The following ENTREP2 variants were observed in gnomAD, a reference collection of about 807,000 sequenced individuals.
ENTREP2 encodes protein ENTREP2.
chr15:29,608,500 C>T, the ENTREP2 span, among the ~76,000 whole-genome samples: 1 of 148,500 alleles, frequency 6.7e-6, no homozygotes, highest in African/African-American at 2.5e-5. Flanking sequence ...GCTCCTGCCT[C>T]CTCCTGCCTC....
chr15:29,281,336 G>A, the ENTREP2 span, among the ~76,000 whole-genome samples: 4 of 152,322 alleles, frequency 2.6e-5, no homozygotes, highest in Admixed American at 2.6e-4. Flanking sequence ...TAAAGTGGAG[G>A]TTATATAATA....
At chr15:29,278,238 G>A in the ENTREP2 span, among the ~76,000 whole-genome samples, 1 of 152,190 alleles carries the variant, frequency 6.6e-6, no homozygotes, top group Non-Finnish European at 1.5e-5. Context: ...CCAGTACAGG[G>A]TTCCTCCCTC....
chr15:29,273,351 A>G, the ENTREP2 span, among the ~76,000 whole-genome samples: 10 of 151,874 alleles, frequency 6.6e-5, no homozygotes, highest in Admixed American at 6.6e-4. Flanking sequence ...GGTGTGTACC[A>G]CCACGTCTGG....
chr15:29,599,156 T>C, the ENTREP2 span, among the ~76,000 whole-genome samples: 1 of 152,244 alleles, frequency 6.6e-6, no homozygotes, highest in Non-Finnish European at 1.5e-5. Flanking sequence ...ATCATGTGAC[T>C]ATGAACTTAA....
the ENTREP2 span, among the ~76,000 whole-genome samples, chr15:29,504,403 T>C: frequency 3.7e-3 from 565 of 152,346 alleles, no homozygotes; most frequent in African/African-American, 0.013. Context: ...GTTAAAACCA[T>C]TTGTGTGATG....
the ENTREP2 span, chr15:29,266,106 T>C: frequency 6.6e-6 from 1 of 152,142 alleles, no homozygotes; most frequent in Non-Finnish European, 1.5e-5. Flanking sequence ...GTAGAACATA[T>C]AAAGATGTCT....
chr15:29,627,168 TGCAGCTATGG>T, the ENTREP2 span, among the ~76,000 whole-genome samples: 30 of 152,334 alleles, frequency 2.0e-4, no homozygotes, highest in African/African-American at 6.5e-4. Flanking sequence ...TTTCGTTTCA[TGCAGCTATGG>T]GCACTTTTAT....
chr15:29,444,467 CTTTTTTTCT>C, the ENTREP2 span, among the ~76,000 whole-genome samples: 6,955 of 115,646 alleles, frequency 0.06, 192 homozygotes, highest in African/African-American at 0.084. Flanking sequence ...TCTTTTTTTT[CTTTTTTTCT>C]TTTTTTTCTT....
At chr15:29,299,354 T>A in the ENTREP2 span, among the ~76,000 whole-genome samples, 1 of 152,310 alleles carries the variant, frequency 6.6e-6, no homozygotes, top group East Asian at 1.9e-4. Flanking sequence ...TGTCTGGGCC[T>A]CTGCTGGAAA....
chr15:29,482,075 G>A, the ENTREP2 span, among the ~76,000 whole-genome samples: 4 of 151,786 alleles, frequency 2.6e-5, no homozygotes, highest in African/African-American at 9.7e-5. Context: ...TCAGCTCACT[G>A]CAATCTACAC....
chr15:29,456,603 C>T, the ENTREP2 span, among the ~76,000 whole-genome samples: 4 of 152,212 alleles, frequency 2.6e-5, no homozygotes, highest in Admixed American at 6.5e-5. Flanking sequence ...TGGGACAGTG[C>T]CCCCTCCCAG....
chr15:29,379,616 C>G, the ENTREP2 span, among the ~76,000 whole-genome samples: 1 of 152,108 alleles, frequency 6.6e-6, no homozygotes, highest in African/African-American at 2.4e-5. Context: ...CTACATCCCC[C>G]CACTGGGATG....
the ENTREP2 span, among the ~76,000 whole-genome samples, chr15:29,338,482 G>A: frequency 2.6e-5 from 4 of 151,772 alleles, no homozygotes; most frequent in South Asian, 2.1e-4. Context: ...AGATGGCCAC[G>A]TGGAGAGGTC....
the ENTREP2 span, among the ~76,000 whole-genome samples, chr15:29,616,005 G>C: frequency 2.6e-5 from 4 of 152,196 alleles, no homozygotes; most frequent in African/African-American, 9.6e-5. Context: ...CCCCACCCCG[G>C]TTCACAGAGC....
chr15:29,519,803 C>CAACT, the ENTREP2 span, among the ~76,000 whole-genome samples: 1 of 152,178 alleles, frequency 6.6e-6, no homozygotes, highest in South Asian at 2.1e-4. Context: ...TGGCCTGAAG[C>CAACT]AACTGAAGAA....
At chr15:29,123,717 C>T in the ENTREP2 span, 7 of 1,476,758 alleles carry the variant, frequency 4.7e-6, no homozygotes, top group Non-Finnish European at 5.4e-6. Context: ...AACTCAAAAG[C>T]AAAGAAAAGC....
At chr15:29,230,644 T>C in the ENTREP2 span, among the ~76,000 whole-genome samples, 24 of 151,982 alleles carry the variant, frequency 1.6e-4, no homozygotes, top group East Asian at 3.9e-3. Context: ...TGAGTAGAAG[T>C]CGCTCAACAA....
At chr15:29,339,494 A>G in the ENTREP2 span, among the ~76,000 whole-genome samples, 3 of 152,248 alleles carry the variant, frequency 2.0e-5, no homozygotes, top group East Asian at 5.8e-4. Flanking sequence ...AAGTGAAGAC[A>G]GAAAGAAAAT....
At chr15:29,588,544 A>G in the ENTREP2 span, among the ~76,000 whole-genome samples, 2,046 of 19,660 alleles carry the variant, frequency 0.1, 48 homozygotes, top group Middle Eastern at 0.23. Context: ...AAGAGAAAGA[A>G]AGAGAGAGAG....
Sources: allele counts gnomAD v4.1 joint callset (sites outside exome capture counted in the v4.1 genomes callset), GRCh38; gene constraint gnomAD v4.1.1; transcripts MANE v1.5; gene names NCBI Gene and HGNC (gene_info 2026-07-23, HGNC 2026-07-21).